Variants in DOCK11 observed in about 807,000 individuals in gnomAD.
DOCK11 encodes the protein dedicator of cytokinesis protein 11.
In DOCK11, 70 loss-of-function variants were observed where a neutral mutation model predicts 169.1. The ratio of observed to expected loss-of-function variants is 0.41; its 90% confidence interval spans 0.34 to 0.51. The LOEUF (loss-of-function observed/expected upper bound fraction) is 0.51, where lower values mean the gene tolerates loss of function less well. Among genes scored for constraint, DOCK11 ranks in the 20% least tolerant of loss-of-function variants. DOCK11 has a pLI of 0.10. For missense variants in DOCK11, 1,166 were observed against 1,538.8 expected (o/e 0.76, Z 4.05); for synonymous variants, 529 against 541.3 (o/e 0.98, Z 0.32).
chrX:118,550,964 G>A (rs1056397261), intron 6 of DOCK11, among the ~76,000 whole-genome samples: 2 of 111,574 alleles, frequency 1.8e-5, no homozygotes, highest in African/African-American at 6.5e-5. Flanking sequence ...GCTATTATCT[G>A]AGTCATTTCC....
rs1241758608 is a variant in DOCK11, at chrX:118,580,217, T to G, written c.1595+38T>G. 3 of 1,126,339 alleles carry G rather than the reference T, an allele frequency of 2.7e-6. No individual in the cohort carries two copies. The African/African-American group carries it at 5.4e-5, about 20-fold the overall frequency. The allele number at this position is 1,126,339 out of a possible 1,213,427, so 92.8% of individuals were successfully genotyped here. On this transcript the variant is annotated intron_variant, in intron 14 of 52. Coordinates refer to ENST00000276202, the MANE Select transcript of DOCK11 (RefSeq NM_144658.4). Reference sequence around the variant, plus strand: ...ATAATCCTGACCCGCTCACTCGTGTTCATATGTGAAGTTAAGGGCTGTTAT... The same window carrying G: ...ATAATCCTGACCCGCTCACTCGTGTGCATATGTGAAGTTAAGGGCTGTTAT...
intron 22 of DOCK11, 131 bp from the exon 23 acceptor site, chrX:118,599,008 G>C: frequency 3.9e-6 from 2 of 511,469 alleles, no homozygotes; most frequent in Non-Finnish European, 6.7e-6. Context: ...TAGTGGTCAA[G>C]AGCTGCTGAG....
At chrX:118,528,206 G>T (rs1440252283) in intron 1 of DOCK11, among the ~76,000 whole-genome samples, 1 of 112,329 alleles carries the variant, frequency 8.9e-6, no homozygotes, top group African/African-American at 3.2e-5. Flanking sequence ...GGGCAGGCCT[G>T]AGAGCCCAGT....
chrX:118,655,013 T>A, intron 44 of DOCK11, 52 bp downstream of exon 44: 2 of 1,073,523 alleles, frequency 1.9e-6, no homozygotes, highest in East Asian at 6.0e-5. Flanking sequence ...AGCATAATAG[T>A]TTTTTATCTT....
intron 26 of DOCK11, among the ~76,000 whole-genome samples, 176 bp downstream of exon 26, chrX:118,608,532 A>G (rs2014597803): frequency 9.0e-6 from 1 of 110,586 alleles, no homozygotes; most frequent in African/African-American, 3.3e-5. Flanking sequence ...CACCCCAACT[A>G]CCCACCCCCT....
chrX:118,577,932 T>G (rs2013502174), intron 12 of DOCK11, among the ~76,000 whole-genome samples: 1 of 111,486 alleles, frequency 9.0e-6, no homozygotes, highest in Non-Finnish European at 1.9e-5. Context: ...GGACAGGAGG[T>G]GTTCCTGTTC....
At chrX:118,578,688 T>C (rs1200434932) in intron 13 of DOCK11, 41 bp downstream of exon 13, 1 of 1,159,211 alleles carries the variant, frequency 8.6e-7, no homozygotes, top group South Asian at 1.9e-5. Flanking sequence ...CACCTTAACG[T>C]AGAATTTGCC....
intron 1 of DOCK11, among the ~76,000 whole-genome samples, chrX:118,508,162 T>C (rs1319159831): frequency 4.5e-5 from 5 of 111,364 alleles, no homozygotes; most frequent in African/African-American, 1.3e-4. Context: ...TGAGAACTGT[T>C]TGCAATTGGC....
At position 118,532,502 on chromosome X, in the gene DOCK11, C is replaced by G. The variant is rs762316438; in HGVS notation, c.103-10223C>G. Among the ~76,000 whole-genome samples, 3 of 109,016 alleles carry G rather than the reference C, an allele frequency of 2.8e-5. No homozygotes were observed. In the South Asian group the frequency reaches 1.2e-3, roughly 44 times the overall value. The allele number at this position is 109,016 out of a possible 115,157, so 94.7% of individuals were successfully genotyped here. A position where few individuals can be genotyped will look rare whatever the true frequency, so the allele number is the denominator to read the frequency against. On this transcript the variant is annotated intron_variant, in intron 1 of 52. Coordinates refer to ENST00000276202, the MANE Select transcript of DOCK11 (RefSeq NM_144658.4). ...ACCCAGTTGAAGAAGGTGTGCCGGC[C>G]GGGCGGGGTGGCTCACACCTGTAAT...
At chrX:118,554,521 G>A (rs1603058034) in intron 6 of DOCK11, among the ~76,000 whole-genome samples, 1 of 111,354 alleles carries the variant, frequency 9.0e-6, no homozygotes, top group Admixed American at 9.5e-5. Flanking sequence ...CTGCACTCCA[G>A]CCTGGGCAAC....
chrX:118,645,885 T>TAAAA (rs1255554011), intron 40 of DOCK11, among the ~76,000 whole-genome samples: 116 of 74,763 alleles, frequency 1.6e-3, no homozygotes, highest in African/African-American at 5.7e-3. Context: ...TGTCTCTAGT[T>TAAAA]AAAAAAAAAA....
chrX:118,665,620 A>G (rs764343566), intron 45 of DOCK11, among the ~76,000 whole-genome samples: 2 of 112,397 alleles, frequency 1.8e-5, no homozygotes, highest in Non-Finnish European at 3.7e-5. Flanking sequence ...TTTGGGTTCT[A>G]CAAGTAATTT....
intron 6 of DOCK11, among the ~76,000 whole-genome samples, chrX:118,552,572 T>C (rs1445536169): frequency 8.9e-6 from 1 of 112,612 alleles, no homozygotes; most frequent in Non-Finnish European, 1.9e-5. Context: ...GCTTGCTGAG[T>C]ATAACCTCAT....
chrX:118,583,925 T>C (rs961768145), intron 14 of DOCK11, among the ~76,000 whole-genome samples: 1 of 111,896 alleles, frequency 8.9e-6, no homozygotes, highest in Non-Finnish European at 1.9e-5. Context: ...ACAGACACAG[T>C]TCTTTTTTCC....
intron 6 of DOCK11, among the ~76,000 whole-genome samples, chrX:118,548,186 G>A (rs769578937): frequency 3.2e-4 from 36 of 112,425 alleles, no homozygotes; most frequent in Non-Finnish European, 6.2e-4. Flanking sequence ...AGAATAATTC[G>A]CCACAGATTC....
At chrX:118,510,087 T>G (rs2057640477) in intron 1 of DOCK11, among the ~76,000 whole-genome samples, 2 of 112,421 alleles carry the variant, frequency 1.8e-5, no homozygotes, top group South Asian at 3.7e-4. Flanking sequence ...GCCTGCAAAG[T>G]CTTCTTTGCC....
rs2015133794 is a variant in DOCK11, at chrX:118,627,400, T to A, written c.3589-104T>A. On this transcript the variant is annotated intron_variant, in intron 32 of 52. Transcript: ENST00000276202. Reference sequence around the variant, plus strand: ...TAGTATCTGATTTAGACTTTCACAGTGAGCTTTGTTTAAAATCAATGTAAC... The same window carrying A: ...TAGTATCTGATTTAGACTTTCACAGAGAGCTTTGTTTAAAATCAATGTAAC... 5 of 598,108 alleles carry A rather than the reference T, an allele frequency of 8.4e-6. No homozygotes were observed. In the South Asian group the frequency reaches 1.4e-4, roughly 16 times the overall value. The allele number at this position is 598,108 out of a possible 1,213,427, so 49.3% of individuals were successfully genotyped here. A position where few individuals can be genotyped will look rare whatever the true frequency, so the allele number is the denominator to read the frequency against.
rs762287134 is a variant in DOCK11, at chrX:118,578,521, C to T, written c.1390-4C>T. On this transcript the variant is annotated splice_polypyrimidine_tract_variant and splice_region_variant and intron_variant, in intron 12 of 52. Transcript: ENST00000276202. ...AAAGTCTAACGGAAGTACTTTTTTCCCAGGGAATTTTCTCAGTGACGAATC... is the reference window on the plus strand; with the variant it reads ...AAAGTCTAACGGAAGTACTTTTTTCTCAGGGAATTTTCTCAGTGACGAATC... 4.1e-5 allele frequency: 49 copies of T among 1,203,911 alleles called. No homozygotes were observed. The highest frequency in any genetic ancestry group is 6.0e-5 in the East Asian group (2 of 33,509).
At chrX:118,668,364 C>A (rs752945948) in intron 45 of DOCK11, among the ~76,000 whole-genome samples, 2 of 109,751 alleles carry the variant, frequency 1.8e-5, no homozygotes, top group Non-Finnish European at 3.8e-5. Flanking sequence ...TATAATTTTT[C>A]TTTTTTATTC....
Sources: allele counts gnomAD v4.1 joint callset (sites outside exome capture counted in the v4.1 genomes callset), GRCh38; gene constraint gnomAD v4.1.1; transcripts MANE v1.5; gene names NCBI Gene and HGNC (gene_info 2026-07-23, HGNC 2026-07-21).